Variants in POU6F2 observed in about 807,000 individuals in gnomAD.
The protein encoded by POU6F2 is POU class 6 homeobox 2.
A neutral mutation model predicts 71.3 loss-of-function variants in POU6F2; 31 were observed. That is an observed-to-expected ratio of 0.43 (90% CI 0.33 to 0.59). The LOEUF is 0.59. POU6F2 is among the 20% of genes least tolerant of loss of function. The pLI is 0.04. For synonymous variants in POU6F2, 347 were observed against 355.7 expected, an observed-to-expected ratio of 0.98 and a Z score of 0.27; for missense variants, 783 against 856.8, an observed-to-expected ratio of 0.91 and a Z score of 1.07.
chr7:39,455,598 C>T (rs1788781900), intron 8 of POU6F2, among the ~76,000 whole-genome samples: 2 of 152,286 alleles, frequency 1.3e-5, no homozygotes, highest in South Asian at 4.1e-4. Context: ...GTGTATATTA[C>T]TCTCATAACA....
chr7:39,047,898 T>G (rs900617258), intron 1 of POU6F2, among the ~76,000 whole-genome samples: 27 of 152,084 alleles, frequency 1.8e-4, no homozygotes, highest in Admixed American at 1.3e-3. Flanking sequence ...ATGTTTAAAC[T>G]GCTGATTGGT....
intron 6 of POU6F2, among the ~76,000 whole-genome samples, chr7:39,419,072 CACACATATAT>C (rs1418098680): frequency 7.4e-6 from 1 of 134,386 alleles, no homozygotes; most frequent in Non-Finnish European, 1.6e-5. Flanking sequence ...CACATATATA[CACACATATAT>C]ACGTATATGT....
Position 39,271,990 on chromosome 7 carries a change from T to G in POU6F2, c.598+64370T>G, listed in dbSNP as rs538915255. On this transcript the variant is annotated intron_variant, in intron 4 of 9. Coordinates refer to ENST00000518318, the MANE Select transcript of POU6F2 (RefSeq NM_001370959.1). ...AGGATGAGGAGTTGGGGTGTGTGTG[T>G]GGGGGTGGGGGAGAGGGGGTTGTTG... Among the ~76,000 whole-genome samples, 65 of 142,338 alleles carry G rather than the reference T, an allele frequency of 4.6e-4. 1 individual carries two copies. In the South Asian group the frequency reaches 7.9e-3, roughly 17 times the overall value. The allele number at this position is 142,338 out of a possible 152,430, so 93.4% of individuals were successfully genotyped here.
At chr7:39,046,666 C>T (rs772435950) in intron 1 of POU6F2, among the ~76,000 whole-genome samples, 1 of 151,914 alleles carries the variant, frequency 6.6e-6, no homozygotes, top group Non-Finnish European at 1.5e-5. Context: ...TTCCAGAATA[C>T]ATAGCAGCAT....
chr7:39,414,070 AC>A (rs1376479595), intron 6 of POU6F2, among the ~76,000 whole-genome samples: 1 of 151,852 alleles, frequency 6.6e-6, no homozygotes, highest in African/African-American at 2.4e-5. Flanking sequence ...CACCCCAGCA[AC>A]CCCTTTAACT....
At chr7:39,246,839 G>A (rs1783829130) in intron 4 of POU6F2, among the ~76,000 whole-genome samples, 2 of 147,236 alleles carry the variant, frequency 1.4e-5, no homozygotes, top group African/African-American at 5.0e-5. Flanking sequence ...CAAAGAGAGA[G>A]AGAGACTGAT....
intron 1 of POU6F2, among the ~76,000 whole-genome samples, chr7:39,016,746 C>A (rs940330026): frequency 4.6e-4 from 70 of 152,120 alleles, no homozygotes; most frequent in African/African-American, 1.6e-3. Flanking sequence ...GAAGGAGGAG[C>A]TGGAGTTGTG....
chr7:39,238,604 C>G (rs116070654), intron 4 of POU6F2, among the ~76,000 whole-genome samples: 2,139 of 152,296 alleles, frequency 0.014, 54 homozygotes, highest in African/African-American at 0.048. Flanking sequence ...CCAACACTTG[C>G]TCTATAGCTC....
At chr7:39,027,030 G>A (rs986572893) in intron 1 of POU6F2, among the ~76,000 whole-genome samples, 4 of 151,966 alleles carry the variant, frequency 2.6e-5, no homozygotes, top group African/African-American at 7.2e-5. Flanking sequence ...CTATTTGACC[G>A]TCCAACTTTC....
chr7:39,398,871 T>C (rs1787235950), intron 5 of POU6F2, among the ~76,000 whole-genome samples: 1 of 152,232 alleles, frequency 6.6e-6, no homozygotes. Flanking sequence ...TCATATATTC[T>C]TCACAACAAC....
chr7:39,098,332 C>T (rs182323310), intron 2 of POU6F2, among the ~76,000 whole-genome samples: 293 of 151,888 alleles, frequency 1.9e-3, no homozygotes, highest in Non-Finnish European at 2.8e-3. Flanking sequence ...GGCTGGAGTA[C>T]GGTGGTATGA....
chr7:39,157,006 T>C (rs1267427824), intron 2 of POU6F2, among the ~76,000 whole-genome samples: 1 of 152,250 alleles, frequency 6.6e-6, no homozygotes, highest in African/African-American at 2.4e-5. Flanking sequence ...AAATAGTCTC[T>C]CTTTTCCTAG....
At chr7:39,452,175 T>C (rs1291756391) in intron 8 of POU6F2, among the ~76,000 whole-genome samples, 1 of 152,168 alleles carries the variant, frequency 6.6e-6, no homozygotes, top group Non-Finnish European at 1.5e-5. Flanking sequence ...GGTGTGTGTG[T>C]ACAATAAGCC....
intron 1 of POU6F2, among the ~76,000 whole-genome samples, chr7:38,992,942 C>T (rs796612103): frequency 1.9e-4 from 29 of 152,016 alleles, no homozygotes; most frequent in African/African-American, 6.5e-4. Context: ...CAGCTTCATG[C>T]GTACTTACAA....
intron 2 of POU6F2, among the ~76,000 whole-genome samples, chr7:39,094,730 A>G (rs879238642): frequency 6.6e-6 from 1 of 151,092 alleles, no homozygotes; most frequent in African/African-American, 2.5e-5. Flanking sequence ...CTAAGGGGTT[A>G]ATATGATTTA....
intron 2 of POU6F2, among the ~76,000 whole-genome samples, chr7:39,150,570 G>A (rs1174510857): frequency 6.8e-6 from 1 of 147,818 alleles, no homozygotes; most frequent in African/African-American, 2.5e-5. Flanking sequence ...AGGTTCCAGT[G>A]ATTCTCCTGC....
At position 39,332,531 on chromosome 7, in the gene POU6F2, G is replaced by A. The variant is rs144374123; in HGVS notation, c.599-7111G>A. On this transcript the variant is annotated intron_variant, in intron 4 of 9. Transcript: ENST00000518318. ...TTTGTAAGTTCCAAAATGGGCCTTC[G>A]TCTGCTCTGGCCCTGGCCAGACAGT... Among the ~76,000 whole-genome samples, 541 of 152,134 alleles carry A rather than the reference G, an allele frequency of 3.6e-3. 3 individuals carry two copies. The highest frequency in any genetic ancestry group is 0.012 in the African/African-American group (478 of 41,514).
At chr7:38,984,937 A>G (rs935595191) in intron 1 of POU6F2, 1 of 152,118 alleles carries the variant, frequency 6.6e-6, no homozygotes, top group Admixed American at 6.6e-5. Flanking sequence ...CAAAAGAACA[A>G]AGCACAACAT....
chr7:39,390,212 G>A (rs1353445012), intron 5 of POU6F2, among the ~76,000 whole-genome samples: 5 of 152,100 alleles, frequency 3.3e-5, no homozygotes, highest in East Asian at 1.9e-4. Context: ...CCTGGAAAAC[G>A]TGATGAAACC....
Sources: gnomAD v4.1 joint callset for allele counts (sites outside exome capture counted in the v4.1 genomes callset) on GRCh38, gnomAD v4.1.1 for gene constraint, MANE v1.5 for transcripts, NCBI Gene and HGNC (gene_info 2026-07-23, HGNC 2026-07-21) for gene names.